The following THSD7B variants were observed in gnomAD, a reference collection of about 807,000 sequenced individuals.
The protein encoded by THSD7B is thrombospondin type-1 domain-containing protein 7B.
In THSD7B, 138 loss-of-function variants were observed where a neutral mutation model predicts 213.6. The observed-to-expected ratio is 0.65, with a 90% CI of 0.56 to 0.74. The LOEUF is 0.74. THSD7B is among the 30% of genes least tolerant of loss of function. The pLI, the probability that THSD7B is intolerant of heterozygous loss-of-function variation, is 0.00. For synonymous variants in THSD7B, 742 were observed against 687.0 expected, an observed-to-expected ratio of 1.08 and a Z score of -1.25; for missense variants, 1,931 against 1,991.5, an observed-to-expected ratio of 0.97 and a Z score of 0.58.
chr2:137,258,821 C>A (rs950830802), intron 10 of THSD7B, among the ~76,000 whole-genome samples: 2 of 151,742 alleles, frequency 1.3e-5, no homozygotes, highest in African/African-American at 2.4e-5. Context: ...TGTCCTAATG[C>A]CCTCCCTCCC....
At chr2:137,239,245 A>G (rs1376882474) in intron 9 of THSD7B, among the ~76,000 whole-genome samples, 4 of 152,170 alleles carry the variant, frequency 2.6e-5, no homozygotes, top group African/African-American at 9.7e-5. Context: ...TTACATAACC[A>G]TAGTACATTA....
chr2:136,830,138 A>G (rs1558819098), intron 1 of THSD7B, among the ~76,000 whole-genome samples: 1 of 152,072 alleles, frequency 6.6e-6, no homozygotes, highest in Non-Finnish European at 1.5e-5. Flanking sequence ...ACACACACAC[A>G]CACACATACC....
chr2:137,283,970 A>C (rs554818006), intron 12 of THSD7B, among the ~76,000 whole-genome samples: 165 of 152,244 alleles, frequency 1.1e-3, no homozygotes, highest in South Asian at 4.8e-3. Flanking sequence ...TTTCAGAAGG[A>C]ATGGTACCAG....
In THSD7B at chr2:136,825,718, A is replaced by ATTTTTTTTTTT. The variant is rs55814718; in HGVS notation, c.-35-56420_-35-56410dup. On this transcript the variant is annotated intron_variant, in intron 1 of 27. Coordinates refer to ENST00000409968, the MANE Select transcript of THSD7B (RefSeq NM_001316349.2). ...AGGTGCTCACTGCCATGCCTGGCTA[A>ATTTTTTTTTTT]TTTTTTTTTTTTTTTTAGATCTGGG... Among the ~76,000 whole-genome samples, 212 of 116,892 alleles carry ATTTTTTTTTTT rather than the reference A, an allele frequency of 1.8e-3. 12 individuals are homozygous for ATTTTTTTTTTT. The highest frequency in any genetic ancestry group is 6.9e-3 in the African/African-American group (207 of 29,894). The allele number at this position is 116,892 out of a possible 152,430, so 76.7% of individuals were successfully genotyped here.
chr2:137,216,290 C>T (rs1311688478), intron 7 of THSD7B, among the ~76,000 whole-genome samples: 1 of 112,534 alleles, frequency 8.9e-6, no homozygotes, highest in Non-Finnish European at 1.7e-5. Flanking sequence ...CACCCCCCTG[C>T]ATTATGATAA....
At position 137,552,840 on chromosome 2, in the gene THSD7B, A is replaced by G. The variant is rs193180057; in HGVS notation, c.3139-10381A>G. ...TAAGAAAAGGGTCAGAATGTGGTAAATTGGAGGAGAGTATAGCCCAGAGAA... is the reference window on the plus strand; with the variant it reads ...TAAGAAAAGGGTCAGAATGTGGTAAGTTGGAGGAGAGTATAGCCCAGAGAA... On this transcript the variant is annotated intron_variant, in intron 15 of 27. Coordinates refer to ENST00000409968, the MANE Select transcript of THSD7B (RefSeq NM_001316349.2). Among the ~76,000 whole-genome samples, 475 of 152,310 alleles carry G rather than the reference A, an allele frequency of 3.1e-3. 1 individual carries two copies. The highest frequency in any genetic ancestry group is 0.011 in the African/African-American group (453 of 41,584).
intron 14 of THSD7B, among the ~76,000 whole-genome samples, chr2:137,414,046 G>T (rs1460664174): frequency 1.3e-5 from 2 of 152,148 alleles, no homozygotes; most frequent in Non-Finnish European, 2.9e-5. Flanking sequence ...GCATGAATTT[G>T]TGGAGGGTTT....
intron 2 of THSD7B, among the ~76,000 whole-genome samples, chr2:136,991,108 A>T (rs1221850614): frequency 2.6e-5 from 4 of 152,226 alleles, no homozygotes; most frequent in Admixed American, 6.5e-5. Context: ...ATTTTGCCTC[A>T]TCATAAAGTA....
intron 1 of THSD7B, among the ~76,000 whole-genome samples, chr2:136,877,284 A>T (rs1216453881): frequency 6.6e-6 from 1 of 152,136 alleles, no homozygotes; most frequent in Non-Finnish European, 1.5e-5. Flanking sequence ...ATTTTGCCTA[A>T]TTTTTAGCAA....
At chr2:137,562,879 A>G (rs1681151980) in intron 15 of THSD7B, among the ~76,000 whole-genome samples, 1 of 152,154 alleles carries the variant, frequency 6.6e-6, no homozygotes, top group Admixed American at 6.6e-5. Flanking sequence ...AATATACCAT[A>G]CAATTGAGAG....
At chr2:137,196,974 G>C (rs943965677) in intron 7 of THSD7B, among the ~76,000 whole-genome samples, 1 of 152,296 alleles carries the variant, frequency 6.6e-6, no homozygotes, top group Admixed American at 6.5e-5. Flanking sequence ...CTCAGCATCA[G>C]TTCTGTGCTA....
At chr2:137,139,845 A>G (rs1034768768) in intron 5 of THSD7B, among the ~76,000 whole-genome samples, 1 of 152,200 alleles carries the variant, frequency 6.6e-6, no homozygotes, top group Non-Finnish European at 1.5e-5. Flanking sequence ...AAGTGTCCCT[A>G]GTAAAAAGAT....
chr2:136,934,670 T>C (rs1684690497), intron 2 of THSD7B, among the ~76,000 whole-genome samples: 1 of 152,116 alleles, frequency 6.6e-6, no homozygotes, highest in Non-Finnish European at 1.5e-5. Context: ...TAGACAAAAA[T>C]CATATATGCA....
chr2:137,218,980 GTGA>G (rs1229322611), intron 7 of THSD7B, among the ~76,000 whole-genome samples: 7 of 90,866 alleles, frequency 7.7e-5, no homozygotes, highest in Non-Finnish European at 1.4e-4. Flanking sequence ...AACTGAGTTT[GTGA>G]AAAAAAAAAT....
At chr2:137,149,779 T>C (rs1679778724) in intron 5 of THSD7B, among the ~76,000 whole-genome samples, 1 of 152,230 alleles carries the variant, frequency 6.6e-6, no homozygotes. Flanking sequence ...CCAATGCCTG[T>C]ATCCCCATTG....
chr2:137,198,990 C>T (rs1240358365), intron 7 of THSD7B, among the ~76,000 whole-genome samples: 1 of 152,114 alleles, frequency 6.6e-6, no homozygotes, highest in Non-Finnish European at 1.5e-5. Context: ...AAGAAATTAA[C>T]AATCAGAGTA....
intron 14 of THSD7B, among the ~76,000 whole-genome samples, chr2:137,441,231 G>A (rs1008526884): frequency 2.0e-5 from 3 of 152,028 alleles, no homozygotes; most frequent in African/African-American, 7.2e-5. Flanking sequence ...CAGGTGCTCT[G>A]ATCTCATGCT....
At chr2:136,772,624 G>A (rs1034495498) in intron 1 of THSD7B, among the ~76,000 whole-genome samples, 1 of 152,136 alleles carries the variant, frequency 6.6e-6, no homozygotes. Flanking sequence ...AAGGGAAAAT[G>A]AGTTGTTCGA....
intron 14 of THSD7B, among the ~76,000 whole-genome samples, chr2:137,415,664 G>GTT (rs10563702): frequency 0.02 from 1,640 of 80,060 alleles, 44 homozygotes; most frequent in South Asian, 0.04. Flanking sequence ...TTATATCAGT[G>GTT]TTTTTTTTTT....
Sources: allele counts gnomAD v4.1 joint callset (sites outside exome capture counted in the v4.1 genomes callset), GRCh38; gene constraint gnomAD v4.1.1; transcripts MANE v1.5; gene names NCBI Gene and HGNC (gene_info 2026-07-23, HGNC 2026-07-21).